DSCAM: variants seen among roughly 807,000 people sequenced by gnomAD.
DSCAM encodes DS cell adhesion molecule, also known as cell adhesion molecule DSCAM.
A neutral mutation model predicts 217.7 loss-of-function variants in DSCAM; 47 were observed. That is an observed-to-expected ratio of 0.22 (90% CI 0.17 to 0.28). The LOEUF is 0.28. Ranked by LOEUF, DSCAM falls within the 10% of genes least tolerant of loss-of-function variation. DSCAM has a pLI of 1.00. For synonymous variants in DSCAM, 1,056 were observed against 1,015.3 expected, an observed-to-expected ratio of 1.04 and a Z score of -0.76; for missense variants, 2,080 against 2,618.3, an observed-to-expected ratio of 0.79 and a Z score of 4.49.
At chr21:40,406,146 A>G (rs1288120934) in intron 3 of DSCAM, among the ~76,000 whole-genome samples, 1 of 152,238 alleles carries the variant, frequency 6.6e-6, no homozygotes, top group Non-Finnish European at 1.5e-5. Context: ...AAGATGAAAG[A>G]AAACAAGAGT....
rs534543931 is a variant in DSCAM, at chr21:40,787,876, T to G, written c.43+58743A>C. The stretch of plus-strand genomic sequence containing the variant: ...CTCCACTCCTCCCCCAATTGTATAC[T>G]GAGGAAATGAGTTCAAATAATCATT... On this transcript the variant is annotated intron_variant, in intron 1 of 32. Coordinates refer to ENST00000400454, the MANE Select transcript of DSCAM (RefSeq NM_001389.5). 7.9e-5 allele frequency among the ~76,000 whole-genome samples: 12 copies of G among 152,246 alleles called. No homozygotes were observed. In the South Asian group the frequency reaches 2.3e-3, roughly 29 times the overall value.
At chr21:40,305,371 C>T (rs113139911) in intron 9 of DSCAM, among the ~76,000 whole-genome samples, 4,832 of 119,616 alleles carry the variant, frequency 0.04, 191 homozygotes, top group African/African-American at 0.12. Flanking sequence ...GCCTGGGTGA[C>T]AGAGCAAGAT....
At chr21:40,142,501 A>C in intron 18 of DSCAM, 57 bp downstream of exon 18, 1 of 1,601,216 alleles carries the variant, frequency 6.2e-7, no homozygotes, top group Non-Finnish European at 8.5e-7. Context: ...AGGGGTCTGC[A>C]AATTCCATCA....
At chr21:40,022,277 T>A (rs753648165) in intron 32 of DSCAM, among the ~76,000 whole-genome samples, 1 of 152,150 alleles carries the variant, frequency 6.6e-6, no homozygotes, top group Non-Finnish European at 1.5e-5. Context: ...ACACTATTGA[T>A]ACCTATTGGT....
At chr21:40,801,248 T>C (rs1248195437) in intron 1 of DSCAM, among the ~76,000 whole-genome samples, 2 of 152,184 alleles carry the variant, frequency 1.3e-5, no homozygotes, top group African/African-American at 2.4e-5. Flanking sequence ...AGGAGCTACA[T>C]GGTTACTTTT....
chr21:40,469,541 T>C (rs2837644), intron 3 of DSCAM, among the ~76,000 whole-genome samples: 11,212 of 152,178 alleles, frequency 0.074, 798 homozygotes, highest in African/African-American at 0.18. Flanking sequence ...GTTAGATGTT[T>C]AAAGCAAAAA....
intron 1 of DSCAM, among the ~76,000 whole-genome samples, chr21:40,782,043 C>T (rs1246409328): frequency 1.3e-5 from 2 of 150,164 alleles, no homozygotes; most frequent in Non-Finnish European, 3.0e-5. Context: ...CAATGGCGGG[C>T]GCCTGCAGTA....
chr21:40,546,662 T>C (rs2076585360), intron 3 of DSCAM, among the ~76,000 whole-genome samples: 1 of 152,200 alleles, frequency 6.6e-6, no homozygotes, highest in East Asian at 1.9e-4. Flanking sequence ...TTTATATTCC[T>C]TCGAGATGAA....
At position 40,042,570 on chromosome 21, in the gene DSCAM, G is replaced by A. The variant is rs754617380; in HGVS notation, c.5487C>T (p.His1829=). 2.3e-5 allele frequency: 37 copies of A among 1,614,056 alleles called. No individual in the cohort carries two copies. The highest frequency in any genetic ancestry group is 5.0e-5 in the Admixed American group (3 of 60,008). Reference sequence around the variant, plus strand: ...AGCACTCCGTGATGGTGAACTTGGCGTGCCTCAGTTGCTCTTCCATCTTGG... The same window carrying A: ...AGCACTCCGTGATGGTGAACTTGGCATGCCTCAGTTGCTCTTCCATCTTGG... ...EHAKMEEQLR[H]AKFTITECFI... The change falls in exon 32 of 33, where the codon CAC becomes CAT. Residue 1829 remains histidine (H), a synonymous_variant. Coordinates refer to ENST00000400454, the MANE Select transcript of DSCAM (RefSeq NM_001389.5).
chr21:40,664,411 C>T (rs2090176366), intron 3 of DSCAM, among the ~76,000 whole-genome samples: 1 of 151,512 alleles, frequency 6.6e-6, no homozygotes. Context: ...GCCCTGTTTC[C>T]CCCCGGGATG....
At chr21:40,109,938 G>T (rs1204595011) in intron 20 of DSCAM, among the ~76,000 whole-genome samples, 2 of 152,226 alleles carry the variant, frequency 1.3e-5, no homozygotes, top group African/African-American at 4.8e-5. Context: ...ACTGGGTGGA[G>T]CCCACCGCAG....
chr21:40,707,776 A>G (rs2090733706), intron 2 of DSCAM, among the ~76,000 whole-genome samples: 1 of 152,174 alleles, frequency 6.6e-6, no homozygotes, highest in Non-Finnish European at 1.5e-5. Context: ...AATCTATAGA[A>G]CCACACAATC....
At chr21:40,721,876 G>C (rs1217081498) in intron 1 of DSCAM, among the ~76,000 whole-genome samples, 1 of 151,866 alleles carries the variant, frequency 6.6e-6, no homozygotes. Context: ...TGATTAAATT[G>C]TTCAAATCCA....
intron 9 of DSCAM, among the ~76,000 whole-genome samples, chr21:40,302,089 A>G (rs1244804577): frequency 6.6e-6 from 1 of 152,220 alleles, no homozygotes; most frequent in Non-Finnish European, 1.5e-5. Context: ...CCTTTTTTAA[A>G]GATGATATTT....
At chr21:40,525,123 C>T (rs1342806288) in intron 3 of DSCAM, among the ~76,000 whole-genome samples, 1 of 151,782 alleles carries the variant, frequency 6.6e-6, no homozygotes, top group Non-Finnish European at 1.5e-5. Flanking sequence ...TTCAGAAAGG[C>T]TCATCATAAC....
chr21:40,520,203 A>C (rs566718920), intron 3 of DSCAM, among the ~76,000 whole-genome samples: 1 of 152,126 alleles, frequency 6.6e-6, no homozygotes, highest in South Asian at 2.1e-4. Flanking sequence ...AAAACTACAA[A>C]CTTCCAGTTG....
chr21:40,657,662 C>T (rs1010430050), intron 3 of DSCAM, among the ~76,000 whole-genome samples: 14 of 152,178 alleles, frequency 9.2e-5, no homozygotes, highest in Non-Finnish European at 1.5e-4. Context: ...TCTTCCACAA[C>T]GCGGCAATCT....
At chr21:40,313,235 C>G (rs2123495502) in intron 8 of DSCAM, among the ~76,000 whole-genome samples, 1 of 152,010 alleles carries the variant, frequency 6.6e-6, no homozygotes, top group Middle Eastern at 3.4e-3. Context: ...AGAATAACTA[C>G]ATCTTTACTT....
In DSCAM at chr21:40,660,955, T is replaced by C. The variant is rs529497425; in HGVS notation, c.508+31855A>G. 1.8e-4 allele frequency among the ~76,000 whole-genome samples: 28 copies of C among 152,306 alleles called. No homozygotes were observed. The South Asian group carries it at 3.1e-3, about 17-fold the overall frequency. On this transcript the variant is annotated intron_variant, in intron 3 of 32. Transcript: ENST00000400454. ...TATTAAGATCTGACATCACCTTCTC[T>C]CCCTTCCAGGCTAATTTCTTAACTC...
Sources: gnomAD v4.1 joint callset for allele counts (sites outside exome capture counted in the v4.1 genomes callset) on GRCh38, gnomAD v4.1.1 for gene constraint, MANE v1.5 for transcripts, NCBI Gene and HGNC (gene_info 2026-07-23, HGNC 2026-07-21) for gene names.